RAPGEF5: variants seen among roughly 807,000 people sequenced by gnomAD.
The protein encoded by RAPGEF5 is Rap guanine nucleotide exchange factor 5.
In RAPGEF5, 65 loss-of-function variants were observed where a neutral mutation model predicts 125.2. That is an observed-to-expected ratio of 0.52 (90% CI 0.43 to 0.64). The LOEUF is 0.64. Ranked by LOEUF, RAPGEF5 falls within the 30% of genes least tolerant of loss-of-function variation. RAPGEF5 has a pLI of 0.00. For missense variants in RAPGEF5, 958 were observed against 1,048.1 expected, an observed-to-expected ratio of 0.91 and a Z score of 1.19; for synonymous variants, 391 against 385.9, an observed-to-expected ratio of 1.01 and a Z score of -0.16.
chr7:22,263,661 C>T (rs1225456549), intron 7 of RAPGEF5, among the ~76,000 whole-genome samples: 1 of 151,168 alleles, frequency 6.6e-6, no homozygotes, highest in Non-Finnish European at 1.5e-5. Context: ...ACCTGGGAGG[C>T]AGAGGTTGCA....
At chr7:22,161,039 A>G (rs1783973730) in intron 13 of RAPGEF5, among the ~76,000 whole-genome samples, 1 of 8,270 alleles carries the variant, frequency 1.2e-4, no homozygotes, top group Non-Finnish European at 2.7e-4. Flanking sequence ...TACTAAAAAT[A>G]CAAAAAAAAA....
intron 6 of RAPGEF5, among the ~76,000 whole-genome samples, chr7:22,276,714 A>G (rs1782566417): frequency 6.6e-6 from 1 of 152,254 alleles, no homozygotes; most frequent in Non-Finnish European, 1.5e-5. Context: ...TAATTATTTT[A>G]TGCCAACCTT....
At chr7:22,351,826 A>C (rs2128389627) in intron 1 of RAPGEF5, among the ~76,000 whole-genome samples, 1 of 152,340 alleles carries the variant, frequency 6.6e-6, no homozygotes, top group South Asian at 2.1e-4. Flanking sequence ...AGTTTCTAGC[A>C]GAGGAGGGTA....
intron 6 of RAPGEF5, among the ~76,000 whole-genome samples, chr7:22,275,338 G>A (rs1782532143): frequency 6.6e-6 from 1 of 152,156 alleles, no homozygotes; most frequent in Non-Finnish European, 1.5e-5. Context: ...TTATGAACCT[G>A]ACTCCTGGCA....
chr7:22,228,114 G>C (rs140209468), intron 8 of RAPGEF5, among the ~76,000 whole-genome samples: 1 of 152,294 alleles, frequency 6.6e-6, no homozygotes, highest in East Asian at 1.9e-4. Flanking sequence ...AGGCTGATTT[G>C]TTGGGTGCTT....
intron 21 of RAPGEF5, among the ~76,000 whole-genome samples, chr7:22,139,407 C>T (rs900377901): frequency 1.5e-4 from 23 of 152,276 alleles, no homozygotes; most frequent in East Asian, 5.8e-4. Flanking sequence ...CAGAGTCCTG[C>T]GCCTGTGTCT....
At chr7:22,343,209 A>T (rs925764448) in intron 1 of RAPGEF5, among the ~76,000 whole-genome samples, 1 of 152,192 alleles carries the variant, frequency 6.6e-6, no homozygotes, top group African/African-American at 2.4e-5. Context: ...TAAAACCATC[A>T]GATCTCATAA....
At chr7:22,255,753 A>G (rs1171249371) in intron 7 of RAPGEF5, among the ~76,000 whole-genome samples, 1 of 152,238 alleles carries the variant, frequency 6.6e-6, no homozygotes, top group Non-Finnish European at 1.5e-5. Context: ...AAAAAATGTT[A>G]TTACCCACAA....
Position 22,131,550 on chromosome 7 carries a change from G to C in RAPGEF5, c.2417-449C>G, listed in dbSNP as rs1782914745. 2.0e-5 allele frequency among the ~76,000 whole-genome samples: 3 copies of C among 152,272 alleles called. No homozygotes were observed. In the South Asian group the frequency reaches 6.2e-4, roughly 32 times the overall value. Reference sequence around the variant, plus strand: ...GGACTTGCTTTACTTAAAACAACTAGTTAAGATATAGATTTAGATGTTTAA... The same window carrying C: ...GGACTTGCTTTACTTAAAACAACTACTTAAGATATAGATTTAGATGTTTAA... On this transcript the variant is annotated intron_variant, in intron 23 of 25. Transcript: ENST00000665637.
intron 1 of RAPGEF5, among the ~76,000 whole-genome samples, chr7:22,340,373 GAAGT>G (rs1784102675): frequency 1.3e-5 from 2 of 152,208 alleles, no homozygotes; most frequent in Admixed American, 6.5e-5. Context: ...CATCCAAGGG[GAAGT>G]AAGGAGATGA....
intron 7 of RAPGEF5, among the ~76,000 whole-genome samples, chr7:22,248,070 C>T (rs1185010594): frequency 1.3e-5 from 2 of 152,132 alleles, no homozygotes; most frequent in Non-Finnish European, 2.9e-5. Flanking sequence ...CTTAGCATCA[C>T]GCAATATACC....
chr7:22,331,936 T>C (rs1783929197), intron 1 of RAPGEF5, among the ~76,000 whole-genome samples: 1 of 152,040 alleles, frequency 6.6e-6, no homozygotes, highest in South Asian at 2.1e-4. Context: ...TGGAAAAACT[T>C]AGAACATCAA....
At chr7:22,288,519 T>C (rs1006442971) in intron 6 of RAPGEF5, among the ~76,000 whole-genome samples, 6 of 137,592 alleles carry the variant, frequency 4.4e-5, no homozygotes, top group African/African-American at 1.7e-4. Flanking sequence ...TCAATTTCTT[T>C]TCTTTTCTTT....
chr7:22,308,182 C>T (rs1783387806), intron 5 of RAPGEF5, among the ~76,000 whole-genome samples, 157 bp downstream of exon 5: 1 of 152,162 alleles, frequency 6.6e-6, no homozygotes, highest in Non-Finnish European at 1.5e-5. Context: ...TAATTTTCTG[C>T]AATTTATTTT....
At chr7:22,317,040 TGTGA>T (rs985721701) in intron 2 of RAPGEF5, among the ~76,000 whole-genome samples, 3 of 149,428 alleles carry the variant, frequency 2.0e-5, no homozygotes, top group Non-Finnish European at 3.0e-5. Context: ...GAGGAAGCGG[TGTGA>T]GTAAGCTGAC....
Position 22,194,042 on chromosome 7 carries a change from G to A in RAPGEF5, c.997-9C>T. 6.2e-7 allele frequency: 1 copy of A among 1,605,674 alleles called. No homozygotes were observed. The highest frequency in any genetic ancestry group is 8.5e-7 in the Non-Finnish European group (1 of 1,173,902). On this transcript the variant is annotated splice_polypyrimidine_tract_variant and intron_variant, in intron 9 of 25. Coordinates refer to ENST00000665637, the MANE Select transcript of RAPGEF5 (RefSeq NM_012294.5). ...GTCACTTCATCATCTTGCTTTAATT[G>A]TGGACAGGGATGATGGATGAGAGAA... is the stretch of plus-strand genomic sequence containing the variant.
At chr7:22,179,205 G>C (rs1035149633) in intron 11 of RAPGEF5, among the ~76,000 whole-genome samples, 1 of 151,970 alleles carries the variant, frequency 6.6e-6, no homozygotes, top group Non-Finnish European at 1.5e-5. Context: ...TTATTAATTT[G>C]TGCCATTGTT....
At chr7:22,323,216 G>A (rs1376798048) in intron 1 of RAPGEF5, among the ~76,000 whole-genome samples, 1 of 152,128 alleles carries the variant, frequency 6.6e-6, no homozygotes, top group African/African-American at 2.4e-5. Flanking sequence ...TGGCATCCAT[G>A]GCATTATACT....
At chr7:22,299,677 CA>C (rs1783150879) in intron 5 of RAPGEF5, among the ~76,000 whole-genome samples, 1 of 152,060 alleles carries the variant, frequency 6.6e-6, no homozygotes, top group Non-Finnish European at 1.5e-5. Flanking sequence ...AGTCAGCTAG[CA>C]AAAAATTCTG....
Sources: gnomAD v4.1 joint callset for allele counts (sites outside exome capture counted in the v4.1 genomes callset) on GRCh38, gnomAD v4.1.1 for gene constraint, MANE v1.5 for transcripts, NCBI Gene and HGNC (gene_info 2026-07-23, HGNC 2026-07-21) for gene names.